Variants in GRIP2 observed in about 807,000 individuals in gnomAD.
GRIP2 encodes the protein glutamate receptor interacting protein 2.
A neutral mutation model predicts 108.3 loss-of-function variants in GRIP2; 58 were observed. The ratio of observed to expected loss-of-function variants is 0.54; its 90% CI spans 0.43 to 0.67. The LOEUF (loss-of-function observed/expected upper bound fraction) is 0.67, where lower values mean the gene tolerates loss of function less well. Ranked by LOEUF, GRIP2 falls within the 30% of genes least tolerant of loss-of-function variation. The probability of loss-of-function intolerance (pLI) is 0.00; values close to 1 mark genes in which losing one functional copy is unlikely to be tolerated. For missense variants in GRIP2, 1,278 were observed against 1,430.6 expected (o/e 0.89, Z 1.72); for synonymous variants, 586 against 598.2 (o/e 0.98, Z 0.30).
At chr3:14,531,493 G>A (rs948974161) in intron 1 of GRIP2, among the ~76,000 whole-genome samples, 1 of 152,202 alleles carries the variant, frequency 6.6e-6, no homozygotes, top group East Asian at 1.9e-4. Flanking sequence ...TTAAAGGCAG[G>A]GTTCAGCCTG....
chr3:14,562,322 T>C, the GRIP2 span, among the ~76,000 whole-genome samples: 2 of 152,086 alleles, frequency 1.3e-5, no homozygotes, highest in African/African-American at 4.8e-5. Flanking sequence ...TGGGGGAAGT[T>C]GTGAGGACAC....
rs755365654 is a variant in GRIP2, at chr3:14,507,545, AT to A, written c.2218+15del. 3 of 1,610,374 alleles carry A rather than the reference AT, an allele frequency of 1.9e-6. No homozygotes were observed. In the South Asian group the frequency reaches 3.3e-5, roughly 18 times the overall value. On this transcript the variant is annotated intron_variant, in intron 18 of 23. Coordinates refer to ENST00000621039, the MANE Select transcript of GRIP2 (RefSeq NM_001080423.4). This position sits in a 1 kb window ranked among gnomAD's most constrained non-coding sequence, Gnocchi z 4.6. ...AAACCTGCTGGGTGGCTCCCAGGGG[AT>A]GAAGCGAATCTCACGGTCTAGTTGC...
chr3:14,580,693 C>A, the GRIP2 span, among the ~76,000 whole-genome samples: 3 of 152,202 alleles, frequency 2.0e-5, no homozygotes, highest in Non-Finnish European at 4.4e-5. Context: ...CAGAATGAGA[C>A]CCTGTCTCAA....
At chr3:14,552,475 A>C (rs1263848730) in intron 1 of GRIP2, among the ~76,000 whole-genome samples, 2 of 152,170 alleles carry the variant, frequency 1.3e-5, no homozygotes, top group Non-Finnish European at 2.9e-5. Flanking sequence ...TAAATGACAC[A>C]GGCTATTCTC....
the GRIP2 span, among the ~76,000 whole-genome samples, chr3:14,593,945 G>T: frequency 1.3e-5 from 2 of 152,194 alleles, no homozygotes; most frequent in Non-Finnish European, 2.9e-5. Context: ...TGACCCTGAT[G>T]GTGGGGGACT....
intron 1 of GRIP2, among the ~76,000 whole-genome samples, chr3:14,548,252 G>A (rs949348097): frequency 3.3e-5 from 5 of 152,200 alleles, no homozygotes; most frequent in Non-Finnish European, 7.3e-5. Flanking sequence ...GCCGGGTTCC[G>A]CAGACACAGT....
chr3:14,592,561 G>C, the GRIP2 span, among the ~76,000 whole-genome samples: 1 of 152,198 alleles, frequency 6.6e-6, no homozygotes, highest in African/African-American at 2.4e-5. Flanking sequence ...GTGGACCCAT[G>C]TTTAGCTGTC....
rs559925867 is a variant in GRIP2, at chr3:14,514,366, G to T, written c.1419C>A (p.Gly473=). Residue 473 remains glycine (G), a synonymous_variant, in exon 12 of 24, where the codon GGC becomes GGA. Coordinates refer to ENST00000621039, the MANE Select transcript of GRIP2 (RefSeq NM_001080423.4). ...ACAGGGTCTCGGTGGCGAAGATGCC[G>T]CCCTGGAGCTGGAGGCCAAAGCCGC... ...PLSGFGLQLQ[G]GIFATETLSS... The T allele has an allele frequency of 1.1e-5, 18 of 1,572,980 alleles. No individual in the cohort carries two copies. The highest frequency in any genetic ancestry group is 1.5e-5 in the Non-Finnish European group (17 of 1,161,006).
rs367599117 is a variant in GRIP2, at chr3:14,507,654, C to T, written c.2125G>A (p.Val709Ile). 10 of 1,613,888 alleles carry T rather than the reference C, an allele frequency of 6.2e-6. No individual in the cohort carries two copies. The African/African-American group carries it at 6.7e-5, about 11-fold the overall frequency. The part of the protein sequence containing the change: ...VGDRILAINN[V>I]SLKGRPLSEA... ...CTCAGCGGCCGGCCCTTGAGGCTAA[C>T]GTTGTTGATGGCCAGAATGCGGTCC... The change falls in exon 18 of 24, where the codon GTT (valine) becomes ATT (isoleucine). Residue 709 changes from valine to isoleucine, a missense_variant. Physicochemically the swap from Val to Ile is conservative, Grantham distance 29. Coordinates refer to ENST00000621039, the MANE Select transcript of GRIP2 (RefSeq NM_001080423.4). This position sits in a 1 kb window ranked among gnomAD's most constrained non-coding sequence, Gnocchi z 4.6.
In GRIP2 at chr3:14,517,172, C is replaced by T. The variant is rs370742404; in HGVS notation, c.1198G>A (p.Ala400Thr). Reference protein sequence around the residue: ...TPFSSPTLNHAFSCNNPSTLP... With the variant: ...TPFSSPTLNHTFSCNNPSTLP... Reference sequence around the variant, plus strand: ...GTGCTGGGGTTGTTGCAGGAAAAGGCGTGGTTCAAGGTCGGCGAGGAAAAG... The same window carrying T: ...GTGCTGGGGTTGTTGCAGGAAAAGGTGTGGTTCAAGGTCGGCGAGGAAAAG... The change falls in exon 11 of 24, where the codon GCC (alanine) becomes ACC (threonine). Residue 400 changes from alanine to threonine, a missense_variant. Transcript: ENST00000621039. 1.9e-6 allele frequency: 3 copies of T among 1,606,630 alleles called. No individual in the cohort carries two copies. Among genetic ancestry groups the T allele is most frequent in the South Asian group, 1.1e-5 (1 of 90,128 alleles).
At chr3:14,533,027 G>A (rs769087419) in intron 1 of GRIP2, among the ~76,000 whole-genome samples, 5 of 152,248 alleles carry the variant, frequency 3.3e-5, no homozygotes, top group Non-Finnish European at 7.3e-5. Context: ...TCAAATAGCA[G>A]TTAAGCCAGG....
rs1694031658 is a variant in GRIP2 at position 14,509,800 on chromosome 3, C to T, written c.2078+20G>A. The T allele has an allele frequency of 6.9e-7, 1 of 1,440,090 alleles. No individual in the cohort carries two copies. The highest frequency in any genetic ancestry group is 2.7e-5 in the East Asian group (1 of 36,938). The allele number at this position is 1,440,090 out of a possible 1,614,324, so 89.2% of individuals were successfully genotyped here. A position where few individuals can be genotyped will look rare whatever the true frequency, so the allele number is the denominator to read the frequency against. ...GTGTTCCCTGAGCCCACCATGCGTC[C>T]CCACAGAGCCCCAGTTCACCTCTCA... On this transcript the variant is annotated intron_variant, in intron 17 of 23. Coordinates refer to ENST00000621039, the MANE Select transcript of GRIP2 (RefSeq NM_001080423.4).
rs1694077423 is a variant in GRIP2, at chr3:14,511,133, C to T, written c.1933+32G>A. On this transcript the variant is annotated intron_variant, in intron 16 of 23. Coordinates refer to ENST00000621039, the MANE Select transcript of GRIP2 (RefSeq NM_001080423.4). This position sits in a 1 kb window ranked among gnomAD's most constrained non-coding sequence, Gnocchi z 4.1. The stretch of plus-strand genomic sequence containing the variant: ...AACCCGCTAGTCAAAGGGTGGGCCT[C>T]TGGAGGTAGGAGGCCAGCATGAGGG... 6.2e-7 allele frequency: 1 copy of T among 1,611,358 alleles called. No homozygotes were observed. Among genetic ancestry groups the T allele is most frequent in the African/African-American group, 1.3e-5 (1 of 74,902 alleles).
intron 9 of GRIP2, 57 bp downstream of exon 9, chr3:14,520,053 C>G (rs1025811138): frequency 6.7e-7 from 1 of 1,491,616 alleles, no homozygotes; most frequent in Non-Finnish European, 9.0e-7. Flanking sequence ...GGTCCCAGGC[C>G]TCTCAGGCCT....
At chr3:14,535,341 TCTC>T (rs1421775337) in intron 1 of GRIP2, among the ~76,000 whole-genome samples, 4 of 152,136 alleles carry the variant, frequency 2.6e-5, no homozygotes, top group African/African-American at 4.8e-5. Flanking sequence ...GCCTCAGACT[TCTC>T]CTCTGCAAAA....
chr3:14,509,279 C>A (rs917928100), intron 17 of GRIP2, among the ~76,000 whole-genome samples: 11 of 152,238 alleles, frequency 7.2e-5, no homozygotes, highest in African/African-American at 2.7e-4. Flanking sequence ...TTCATCCCTG[C>A]CCAGCTCGGG....
the GRIP2 span, among the ~76,000 whole-genome samples, chr3:14,587,459 T>C: frequency 6.6e-6 from 1 of 151,930 alleles, no homozygotes; most frequent in African/African-American, 2.4e-5. Flanking sequence ...AGTGACATAG[T>C]GAAACTCCAT....
At chr3:14,584,596 C>T in the GRIP2 span, among the ~76,000 whole-genome samples, 1 of 152,308 alleles carries the variant, frequency 6.6e-6, no homozygotes, top group Middle Eastern at 3.4e-3. Context: ...GGGAGGTAGG[C>T]AGCAGCCTGG....
chr3:14,501,266 T>TAGATAG lies in GRIP2; in HGVS notation c.2679+2294_2679+2299dup, dbSNP rs544125424. 1.8e-4 allele frequency among the ~76,000 whole-genome samples: 27 copies of TAGATAG among 152,326 alleles called. No homozygotes were observed. In the South Asian group the frequency reaches 5.2e-3, roughly 29 times the overall value. ...TGGGGTGTTAGAAGTGCTCTGGAATTAGATAGTGCTGATGATTGCACAACA... is the reference window on the plus strand; with the variant it reads ...TGGGGTGTTAGAAGTGCTCTGGAATTAGATAGAGATAGTGCTGATGATTGCACAACA... On this transcript the variant is annotated intron_variant, in intron 21 of 23. Coordinates refer to ENST00000621039, the MANE Select transcript of GRIP2 (RefSeq NM_001080423.4).
Sources: gnomAD v4.1 joint callset for allele counts (sites outside exome capture counted in the v4.1 genomes callset) on GRCh38, gnomAD v4.1.1 for gene constraint, Gnocchi (gnomAD v3.1) non-coding constraint, MANE v1.5 for transcripts, NCBI Gene and HGNC (gene_info 2026-07-23, HGNC 2026-07-21) for gene names.